MORN5: variants seen among roughly 807,000 people sequenced by gnomAD.
The protein encoded by MORN5 is MORN repeat containing 5, also known as MORN repeat-containing protein 5.
Under a neutral mutation model 22.1 loss-of-function variants are expected in MORN5, and 21 were observed. That is an observed-to-expected ratio of 0.95 (90% CI 0.67 to 1.37). The LOEUF is 1.37. Ranked by LOEUF, MORN5 falls within the 40% of genes most tolerant of loss-of-function variation. The probability of loss-of-function intolerance (pLI) is 0.00; values close to 1 mark genes in which losing one functional copy is unlikely to be tolerated. For missense variants in MORN5, 211 were observed against 215.1 expected (o/e 0.98, Z 0.12); for synonymous variants, 73 against 74.0 (o/e 0.99, Z 0.07).
At chr9:122,164,657 G>A in intron 1 of MORN5, 1 of 985,208 alleles carries the variant, frequency 1.0e-6, no homozygotes. Context: ...GGTAAGAAAA[G>A]GGGTGGGGTC....
At chr9:122,198,647 G>A (rs885404) in intron 4 of MORN5, among the ~76,000 whole-genome samples, 10,292 of 152,206 alleles carry the variant, frequency 0.068, 1,085 homozygotes, top group African/African-American at 0.23. Flanking sequence ...TGGAAGGAAC[G>A]TAACCCCAGA....
At chr9:122,166,589 C>T (rs185918445) in intron 1 of MORN5, among the ~76,000 whole-genome samples, 179 bp from the exon 2 acceptor site, 213 of 152,196 alleles carry the variant, frequency 1.4e-3, no homozygotes, top group Non-Finnish European at 2.2e-3. Flanking sequence ...ACTCTATTCC[C>T]CTCTTTTCGT....
intron 4 of MORN5, among the ~76,000 whole-genome samples, chr9:122,180,739 G>T (rs765839279): frequency 2.0e-5 from 3 of 152,178 alleles, no homozygotes; most frequent in Non-Finnish European, 1.5e-5. Flanking sequence ...CCACTGCTTT[G>T]CCTGGGTTGG....
At chr9:122,175,672 T>C (rs188573652) in intron 4 of MORN5, 1 of 985,334 alleles carries the variant, frequency 1.0e-6, no homozygotes, top group Admixed American at 6.1e-5. Flanking sequence ...TCTAAAGACC[T>C]AGGTCAAGAA....
chr9:122,172,592 C>G (rs932243561), intron 3 of MORN5, among the ~76,000 whole-genome samples: 5 of 152,162 alleles, frequency 3.3e-5, no homozygotes, highest in African/African-American at 1.2e-4. Flanking sequence ...GGAGCCCCTT[C>G]CCTGAATTCC....
intron 4 of MORN5, among the ~76,000 whole-genome samples, chr9:122,182,488 C>T (rs1387601298): frequency 1.3e-5 from 2 of 152,236 alleles, no homozygotes; most frequent in East Asian, 3.9e-4. Flanking sequence ...CAGTGGCTCA[C>T]GCCTGTAATC....
At chr9:122,161,188 C>T (rs944413944) in intron 1 of MORN5, among the ~76,000 whole-genome samples, 1 of 152,144 alleles carries the variant, frequency 6.6e-6, no homozygotes, top group Non-Finnish European at 1.5e-5. Context: ...GTGAAGCACT[C>T]CCACCTTGGG....
chr9:122,171,946 CTTTTTTTTTTTTTT>C (rs71371928), intron 3 of MORN5, among the ~76,000 whole-genome samples: 2 of 58,572 alleles, frequency 3.4e-5, no homozygotes, highest in East Asian at 9.4e-4. Flanking sequence ...TCACTTCCAT[CTTTTTTTTTTTTTT>C]TTTTTTTTTT....
At position 122,174,504 on chromosome 9, in the gene MORN5, C is replaced by G; in HGVS notation, c.316C>G (p.Gln106Glu). The G allele has an allele frequency of 6.2e-7, 1 of 1,613,932 alleles. No homozygotes were observed. The highest frequency in any genetic ancestry group is 2.2e-5 in the East Asian group (1 of 44,882). The change falls in exon 4 of 5, where the codon CAA (glutamine) becomes GAA (glutamate). Residue 106 changes from glutamine (Q) to glutamate (E), a missense_variant. Physicochemically the swap from Gln to Glu is conservative, Grantham distance 29. Transcript: ENST00000373764. ...CATTATGTTCTTTCAAGGTATGGCT[C>G]AACTCACCAATATGGACCCACCTAG... ...LNGLKPAGMA[Q>E]LTNMDPPRKI... is the part of the protein sequence containing the mutation.
In MORN5 at chr9:122,189,186, C is replaced by T. The variant is rs573592542; in HGVS notation, c.440-10699C>T. On this transcript the variant is annotated intron_variant, in intron 4 of 4. Coordinates refer to ENST00000373764, the MANE Select transcript of MORN5 (RefSeq NM_198469.4). ...CTCCAGCCTGGGTGACAGAGCGAGA[C>T]TCCATCTGGAGGAAAAAAAAAAAAA... Among the ~76,000 whole-genome samples the T allele has an allele frequency of 5.3e-5, 8 of 151,172 alleles. No homozygotes were observed. In the East Asian group the frequency reaches 7.8e-4, roughly 15 times the overall value.
At chr9:122,184,443 T>C (rs973862262) in intron 4 of MORN5, among the ~76,000 whole-genome samples, 11 of 152,194 alleles carry the variant, frequency 7.2e-5, no homozygotes, top group African/African-American at 2.7e-4. Context: ...TTTTAGACAG[T>C]TGAAAACTGG....
At chr9:122,182,122 T>C (rs1484985744) in intron 4 of MORN5, among the ~76,000 whole-genome samples, 2 of 152,232 alleles carry the variant, frequency 1.3e-5, no homozygotes, top group African/African-American at 4.8e-5. Context: ...AGCCCCAGCC[T>C]AACTTTGAAG....
Position 122,164,482 on chromosome 9 carries a change from CCCCAGCCCTGGG to C in MORN5, c.48-2279_48-2268del, listed in dbSNP as rs541715462. On this transcript the variant is annotated intron_variant, in intron 1 of 4. Coordinates refer to ENST00000373764, the MANE Select transcript of MORN5 (RefSeq NM_198469.4). ...AGTCCCGTCCAGAGATGGCTTACAGCCCCAGCCCTGGGCCCAGCTCCTGGCCTTGAACCAGAG... is the reference window on the plus strand; with the variant it reads ...AGTCCCGTCCAGAGATGGCTTACAGCCCCAGCTCCTGGCCTTGAACCAGAG... 1.0e-4 allele frequency: 78 copies of C among 782,532 alleles called. No homozygotes were observed. In the African/African-American group the frequency reaches 1.4e-3, roughly 14 times the overall value. The allele number at this position is 782,532 out of a possible 1,614,324, so 48.5% of individuals were successfully genotyped here. A position where few individuals can be genotyped will look rare whatever the true frequency, so the allele number is the denominator to read the frequency against.
At chr9:122,193,674 A>G (rs769819486) in intron 4 of MORN5, among the ~76,000 whole-genome samples, 1 of 152,268 alleles carries the variant, frequency 6.6e-6, no homozygotes, top group Non-Finnish European at 1.5e-5. Context: ...TCAATTTTAT[A>G]TACACTAATA....
At chr9:122,176,390 G>A (rs1366851593) in intron 4 of MORN5, among the ~76,000 whole-genome samples, 2 of 152,186 alleles carry the variant, frequency 1.3e-5, no homozygotes, top group African/African-American at 4.8e-5. Flanking sequence ...CCTAAACAAT[G>A]CTAACCAGGC....
chr9:122,179,988 G>A (rs1339313527), intron 4 of MORN5, among the ~76,000 whole-genome samples: 1 of 152,348 alleles, frequency 6.6e-6, no homozygotes, highest in South Asian at 2.1e-4. Flanking sequence ...TACCACCTGG[G>A]TGGGTCAGAG....
intron 4 of MORN5, among the ~76,000 whole-genome samples, chr9:122,192,605 A>G (rs553202444): frequency 6.6e-6 from 1 of 152,240 alleles, no homozygotes; most frequent in African/African-American, 2.4e-5. Flanking sequence ...GACCCGGCAC[A>G]GCTGTGCCCT....
At chr9:122,164,536 A>G (rs1317067185) in intron 1 of MORN5, 7 of 979,924 alleles carry the variant, frequency 7.1e-6, no homozygotes, top group Non-Finnish European at 8.5e-6. Context: ...GATACCATTC[A>G]TGGAAATAGA....
intron 3 of MORN5, among the ~76,000 whole-genome samples, chr9:122,171,413 C>G (rs540219687): frequency 5.5e-4 from 83 of 152,240 alleles, no homozygotes; most frequent in African/African-American, 2.0e-3. Context: ...ACTGCCTCCT[C>G]AACATCCCCC....
Sources: allele counts gnomAD v4.1 joint callset (sites outside exome capture counted in the v4.1 genomes callset), GRCh38; gene constraint gnomAD v4.1.1; transcripts MANE v1.5; gene names NCBI Gene and HGNC (gene_info 2026-07-23, HGNC 2026-07-21).